The following EXOC6B variants were observed in gnomAD, a reference collection of about 807,000 sequenced individuals.
The protein encoded by EXOC6B is SEC15 homolog B.
A neutral mutation model predicts 113.5 loss-of-function variants in EXOC6B; 54 were observed. The ratio of observed to expected loss-of-function variants is 0.48; its 90% CI spans 0.38 to 0.60. The LOEUF is 0.60. Ranked by LOEUF, EXOC6B falls within the 20% of genes least tolerant of loss-of-function variation. The probability of loss-of-function intolerance (pLI) is 0.00; values close to 1 mark genes in which losing one functional copy is unlikely to be tolerated. For synonymous variants in EXOC6B, 357 were observed against 339.0 expected (o/e 1.05, Z -0.58); for missense variants, 797 against 977.5 (o/e 0.82, Z 2.46).
At chr2:72,676,075 G>T (rs1169679223) in intron 6 of EXOC6B, among the ~76,000 whole-genome samples, 2 of 150,566 alleles carry the variant, frequency 1.3e-5, no homozygotes, top group Non-Finnish European at 2.9e-5. Context: ...GAAGGCATAT[G>T]GCATGAACAG....
rs551517670 is a variant in EXOC6B, at chr2:72,236,045, AT to A, written c.2197-51859del. Among the ~76,000 whole-genome samples, 175 of 152,326 alleles carry A rather than the reference AT, an allele frequency of 1.1e-3. 1 individual carries two copies. The highest frequency in any genetic ancestry group is 4.0e-3 in the African/African-American group (165 of 41,576). ...TTCTGACTATTTCTGAGAAGAAAGGATTCCTACTCACATTTTACAGAAACAA... is the reference window on the plus strand; with the variant it reads ...TTCTGACTATTTCTGAGAAGAAAGGATCCTACTCACATTTTACAGAAACAA... On this transcript the variant is annotated intron_variant, in intron 20 of 21. Coordinates refer to ENST00000272427, the MANE Select transcript of EXOC6B (RefSeq NM_015189.3).
chr2:72,188,168 C>T (rs1176428010), intron 20 of EXOC6B, among the ~76,000 whole-genome samples: 1 of 152,150 alleles, frequency 6.6e-6, no homozygotes, highest in Non-Finnish European at 1.5e-5. Flanking sequence ...TGCTCCCCAG[C>T]TCCCACCAGC....
chr2:72,775,187 T>C (rs1238336723), intron 1 of EXOC6B, among the ~76,000 whole-genome samples: 1 of 152,174 alleles, frequency 6.6e-6, no homozygotes, highest in African/African-American at 2.4e-5. Flanking sequence ...TGGGTATGAT[T>C]GATCAAATCA....
intron 18 of EXOC6B, among the ~76,000 whole-genome samples, chr2:72,405,601 G>T (rs183040423): frequency 2.6e-5 from 4 of 152,086 alleles, no homozygotes; most frequent in African/African-American, 9.7e-5. Context: ...CCAGCAAAAC[G>T]AAGCTTCATA....
intron 20 of EXOC6B, among the ~76,000 whole-genome samples, chr2:72,314,802 T>C (rs529679270): frequency 6.6e-6 from 1 of 152,344 alleles, no homozygotes; most frequent in East Asian, 1.9e-4. Context: ...CACTTAGTAC[T>C]TAAAACTAAG....
chr2:72,351,055 A>G (rs1017861621), intron 19 of EXOC6B, among the ~76,000 whole-genome samples: 1 of 152,154 alleles, frequency 6.6e-6, no homozygotes, highest in African/African-American at 2.4e-5. Context: ...ATTGACGGGC[A>G]GACAGCTGAG....
At chr2:72,796,572 T>C (rs1172074072) in intron 1 of EXOC6B, among the ~76,000 whole-genome samples, 1 of 152,138 alleles carries the variant, frequency 6.6e-6, no homozygotes, top group Non-Finnish European at 1.5e-5. Context: ...CTTTCTATCC[T>C]GAACACATAT....
chr2:72,228,475 T>G (rs1681393323), intron 20 of EXOC6B, among the ~76,000 whole-genome samples: 1 of 143,634 alleles, frequency 7.0e-6, no homozygotes, highest in African/African-American at 2.5e-5. Flanking sequence ...TGTCCACGTG[T>G]TCTCATTGTT....
At chr2:72,680,454 A>G (rs1296303789) in intron 6 of EXOC6B, among the ~76,000 whole-genome samples, 1 of 152,140 alleles carries the variant, frequency 6.6e-6, no homozygotes, top group Non-Finnish European at 1.5e-5. Context: ...AAGCATTTTG[A>G]TCTGGCCTGG....
intron 6 of EXOC6B, among the ~76,000 whole-genome samples, chr2:72,619,560 C>A (rs978579561): frequency 2.6e-5 from 4 of 152,036 alleles, no homozygotes; most frequent in Non-Finnish European, 5.9e-5. Flanking sequence ...AACACCACTA[C>A]CAAGAAGACA....
intron 6 of EXOC6B, among the ~76,000 whole-genome samples, chr2:72,639,152 T>C (rs1411023371): frequency 6.6e-6 from 1 of 152,138 alleles, no homozygotes; most frequent in African/African-American, 2.4e-5. Context: ...CGGGTTTTGC[T>C]TTCCTTGCCA....
At position 72,462,365 on chromosome 2, in the gene EXOC6B, A is replaced by C. The variant is rs181947875; in HGVS notation, c.1980+2795T>G. On this transcript the variant is annotated intron_variant, in intron 18 of 21. Coordinates refer to ENST00000272427, the MANE Select transcript of EXOC6B (RefSeq NM_015189.3). ...TTTTAGTATGTTCTATTTAGATAAT[A>C]ATAACCTATGAATAATAATATGCAT... 19 of 152,266 alleles carry C rather than the reference A, an allele frequency of 1.2e-4. 1 individual carries two copies. Among genetic ancestry groups the C allele is most frequent in the African/African-American group, 4.3e-4 (18 of 41,574 alleles). 9.4% of individuals were successfully genotyped at this position (152,266 alleles called of 1,614,324 possible).
intron 20 of EXOC6B, among the ~76,000 whole-genome samples, chr2:72,306,689 C>T (rs546477991): frequency 1.3e-5 from 2 of 152,208 alleles, no homozygotes; most frequent in South Asian, 2.1e-4. Context: ...TTATGACCCT[C>T]GTTGTATACT....
chr2:72,585,135 T>G (rs1407664635), intron 6 of EXOC6B, among the ~76,000 whole-genome samples: 1 of 151,708 alleles, frequency 6.6e-6, no homozygotes, highest in Non-Finnish European at 1.5e-5. Flanking sequence ...CCAAAACTAC[T>G]AGAAGAAAAA....
At chr2:72,632,572 A>C (rs965935296) in intron 6 of EXOC6B, among the ~76,000 whole-genome samples, 1 of 152,244 alleles carries the variant, frequency 6.6e-6, no homozygotes, top group African/African-American at 2.4e-5. Flanking sequence ...TTACTGATAC[A>C]TACCATAATG....
At chr2:72,281,203 C>G (rs6729863) in intron 20 of EXOC6B, among the ~76,000 whole-genome samples, 1 of 151,964 alleles carries the variant, frequency 6.6e-6, no homozygotes, top group Non-Finnish European at 1.5e-5. Flanking sequence ...CTACAAAGTT[C>G]CTGAATGTAT....
intron 8 of EXOC6B, among the ~76,000 whole-genome samples, chr2:72,521,289 G>A (rs1021114872): frequency 1.3e-5 from 2 of 152,110 alleles, no homozygotes; most frequent in African/African-American, 4.8e-5. Flanking sequence ...ACCTGTTATT[G>A]CCTTGATCTT....
intron 19 of EXOC6B, among the ~76,000 whole-genome samples, chr2:72,338,135 G>A (rs139653807): frequency 8.5e-5 from 13 of 152,198 alleles, no homozygotes; most frequent in Admixed American, 1.3e-4. Flanking sequence ...GTAGCTCTAT[G>A]GGCTTACACA....
intron 20 of EXOC6B, among the ~76,000 whole-genome samples, chr2:72,216,820 A>T (rs1250679341): frequency 6.6e-6 from 1 of 152,128 alleles, no homozygotes; most frequent in Admixed American, 6.5e-5. Context: ...CAAACACCAC[A>T]TGTTCTCATT....
Sources: allele counts gnomAD v4.1 joint callset (sites outside exome capture counted in the v4.1 genomes callset), GRCh38; gene constraint gnomAD v4.1.1; transcripts MANE v1.5; gene names NCBI Gene and HGNC (gene_info 2026-07-23, HGNC 2026-07-21).